The following ABCC6 variants were observed in gnomAD, a reference collection of about 807,000 sequenced individuals.
The protein encoded by ABCC6 is ATP binding cassette subfamily C member 6.
Under a neutral mutation model 169.5 loss-of-function variants are expected in ABCC6, and 126 were observed. That is an observed-to-expected ratio of 0.74 (90% confidence interval 0.64 to 0.86). The LOEUF (loss-of-function observed/expected upper bound fraction) is 0.86, where lower values mean the gene tolerates loss of function less well. ABCC6 is among the 40% of genes least tolerant of loss of function. ABCC6 has a pLI of 0.00. For synonymous variants in ABCC6, 752 were observed against 814.7 expected, an observed-to-expected ratio of 0.92 and a Z score of 1.31; for missense variants, 1,733 against 1,927.2, an observed-to-expected ratio of 0.90 and a Z score of 1.89.
chr16:16,159,492 G>A lies in ABCC6; in HGVS notation c.3725C>T (p.Thr1242Met), dbSNP rs141449320. ...SVERMQDYAW[T>M]PKEAPWRLPT... ...CCTCCCGCCCATCACCTCCTTGGGC[G>A]TCCAGGCATAGTCCTGCATCCGCTC... Residue 1242 changes from threonine (T) to methionine (M), a missense_variant, in exon 26 of 31, where the codon ACG (threonine) becomes ATG (methionine). Around this residue, in one of 5 missense-constraint regions of ABCC6, gnomAD observed 1,601 missense variants for 1,635.5 expected, o/e 0.98. Coordinates refer to ENST00000205557, the MANE Select transcript of ABCC6 (RefSeq NM_001171.6). 56 of 1,613,592 alleles carry A rather than the reference G, an allele frequency of 3.5e-5. No homozygotes were observed. Among genetic ancestry groups the A allele is most frequent in the Middle Eastern group, 1.6e-4 (1 of 6,084 alleles).
At chr16:16,152,333 A>G (rs8058210) in intron 29 of ABCC6, among the ~76,000 whole-genome samples, 49,526 of 151,590 alleles carry the variant, frequency 0.33, 8,693 homozygotes, top group East Asian at 0.51. Flanking sequence ...GTGGGAACTG[A>G]CCCCTGGGGC....
intron 21 of ABCC6, 107 bp downstream of exon 21, chr16:16,173,177 C>A: frequency 6.6e-7 from 1 of 1,507,760 alleles, no homozygotes. Context: ...ATAGTAGGTG[C>A]TCAAGAAAGG....
intron 7 of ABCC6, 41 bp from the exon 8 acceptor site, chr16:16,203,654 A>T (rs1567530335): frequency 6.2e-7 from 1 of 1,610,714 alleles, no homozygotes; most frequent in Non-Finnish European, 8.5e-7. Context: ...CCCATTTTAT[A>T]CTCTCAGCCG....
At position 16,178,878 on chromosome 16, in the gene ABCC6, G is replaced by C. The variant is rs1419792820; in HGVS notation, c.2335C>G (p.Pro779Ala). The change falls in exon 18 of 31, where the codon CCC (proline) becomes GCC (alanine). Residue 779 changes from proline to alanine, a missense_variant. Pro to Ala is a conservative substitution (Grantham distance 27). This residue lies in a region of ABCC6 where 1,601 missense variants were observed against 1,635.5 expected (regional missense o/e 0.98). Transcript: ENST00000205557. The part of the protein sequence containing the change: ...RKAAVYLLDD[P>A]LAALDAHVGQ... The stretch of plus-strand genomic sequence containing the variant: ...ACGTGGGCATCCAGGGCCGCCAGGG[G>C]GTCATCCAGCAGGTACACAGCTGCC... The C allele has an allele frequency of 1.2e-6, 2 of 1,613,906 alleles. No homozygotes were observed. Among genetic ancestry groups the C allele is most frequent in the Admixed American group, 3.3e-5 (2 of 60,020 alleles).
At chr16:16,174,891 G>C (rs894346006) in intron 20 of ABCC6, among the ~76,000 whole-genome samples, 1 of 150,742 alleles carries the variant, frequency 6.6e-6, no homozygotes, top group Non-Finnish European at 1.5e-5. Context: ...CTCCCGAGTA[G>C]CTGGGACTAC....
At chr16:16,157,022 G>C (rs1018069923) in intron 27 of ABCC6, among the ~76,000 whole-genome samples, 1 of 151,812 alleles carries the variant, frequency 6.6e-6, no homozygotes. Flanking sequence ...AGGGGACAAG[G>C]AGAGGACAGG....
At chr16:16,186,757 A>G (rs2047664924) in intron 14 of ABCC6, among the ~76,000 whole-genome samples, 1 of 151,804 alleles carries the variant, frequency 6.6e-6, no homozygotes, top group Non-Finnish European at 1.5e-5. Flanking sequence ...AGGGCACAAT[A>G]AATGGAATGT....
chr16:16,222,810 G>A (rs1203371142), intron 1 of ABCC6, among the ~76,000 whole-genome samples: 4 of 151,996 alleles, frequency 2.6e-5, no homozygotes, highest in East Asian at 1.9e-4. Flanking sequence ...ACAACTCACC[G>A]GCTGTGCAAA....
At chr16:16,197,531 G>C (rs1242667812) in intron 10 of ABCC6, among the ~76,000 whole-genome samples, 1 of 150,712 alleles carries the variant, frequency 6.6e-6, no homozygotes, top group African/African-American at 2.4e-5. Flanking sequence ...GAGAAGAAGG[G>C]AGAAGGGAAG....
intron 8 of ABCC6, 55 bp downstream of exon 8, chr16:16,203,355 G>A (rs1299212381): frequency 6.2e-7 from 1 of 1,611,926 alleles, no homozygotes; most frequent in African/African-American, 1.3e-5. Flanking sequence ...GGCCCTGGAA[G>A]GATGCCACTA....
intron 13 of ABCC6, among the ~76,000 whole-genome samples, chr16:16,188,420 T>C (rs577099201): frequency 2.0e-5 from 3 of 151,910 alleles, no homozygotes; most frequent in African/African-American, 7.2e-5. Flanking sequence ...AAATAAAAAA[T>C]AAAAAACATG....
chr16:16,160,331 TTAAG>T (rs1226228873), intron 25 of ABCC6, among the ~76,000 whole-genome samples: 1 of 152,070 alleles, frequency 6.6e-6, no homozygotes, highest in Non-Finnish European at 1.5e-5. Context: ...GTGGGCAGTA[TTAAG>T]TGAGTTAATA....
In ABCC6 at chr16:16,149,891, T is replaced by A; in HGVS notation, c.*242A>T. ...GCGGGGCTGAGAGTCGCTGTTGACA[T>A]TGGCTGCAGGGTGGACAGGGCGAGA... On this transcript the variant is annotated 3_prime_UTR_variant, in exon 31 of 31. Transcript: ENST00000205557. The A allele has an allele frequency of 1.7e-6, 1 of 595,606 alleles. No individual in the cohort carries two copies. Among genetic ancestry groups the A allele is most frequent in the Non-Finnish European group, 3.0e-6 (1 of 333,456 alleles). 36.9% of individuals were successfully genotyped at this position (595,606 alleles called of 1,614,324 possible).
chr16:16,199,839 G>A lies in ABCC6; in HGVS notation c.1177-1657C>T, dbSNP rs557336155. 6.4e-3 allele frequency among the ~76,000 whole-genome samples: 959 copies of A among 150,606 alleles called. 13 individuals carry two copies. The highest frequency in any genetic ancestry group is 1.0e-2 in the Non-Finnish European group (673 of 67,548). On this transcript the variant is annotated intron_variant, in intron 9 of 30. Coordinates refer to ENST00000205557, the MANE Select transcript of ABCC6 (RefSeq NM_001171.6). ...TCCCAGCACTTTGGGAGGCTGAGGC[G>A]GGTGGATTGCTTGAGGCCGGGAGTT... is the stretch of plus-strand genomic sequence containing the variant.
chr16:16,161,030 A>AG (rs747799128), intron 25 of ABCC6, among the ~76,000 whole-genome samples: 188 of 152,258 alleles, frequency 1.2e-3, no homozygotes, highest in Non-Finnish European at 1.9e-3. Flanking sequence ...GCTTGAACCC[A>AG]GGAGGCAGAG....
rs1190445351 is a variant in ABCC6, at chr16:16,192,824, C to T, written c.1431+6G>A. 6.2e-7 allele frequency: 1 copy of T among 1,613,438 alleles called. No homozygotes were observed. The highest frequency in any genetic ancestry group is 8.5e-7 in the Non-Finnish European group (1 of 1,179,438). On this transcript the variant is annotated splice_donor_region_variant and intron_variant, in intron 11 of 30. Coordinates refer to ENST00000205557, the MANE Select transcript of ABCC6 (RefSeq NM_001171.6). Reference sequence around the variant, plus strand: ...GCCTGGTCCGTCCCTTTCCCAAAAGCCAAACCTGATGGTGGTTCCTTTTCT... The same window carrying T: ...GCCTGGTCCGTCCCTTTCCCAAAAGTCAAACCTGATGGTGGTTCCTTTTCT...
At chr16:16,179,991 G>A (rs1189342803) in intron 17 of ABCC6, among the ~76,000 whole-genome samples, 1 of 152,182 alleles carries the variant, frequency 6.6e-6, no homozygotes, top group Non-Finnish European at 1.5e-5. Flanking sequence ...AGTCCCTTCT[G>A]GGGATGATGG....
chr16:16,196,544 GGCAGGAGT>G (rs2048044807), intron 10 of ABCC6, among the ~76,000 whole-genome samples: 1 of 152,144 alleles, frequency 6.6e-6, no homozygotes, highest in Non-Finnish European at 1.5e-5. Flanking sequence ...GCCCCTCTGG[GGCAGGAGT>G]GCTACTGTTA....
intron 4 of ABCC6, among the ~76,000 whole-genome samples, chr16:16,217,396 C>T (rs1426444892): frequency 6.6e-6 from 1 of 152,232 alleles, no homozygotes; most frequent in Non-Finnish European, 1.5e-5. Context: ...TCTCCCTCAT[C>T]TTTAAAATGG....
Sources: allele counts gnomAD v4.1 joint callset (sites outside exome capture counted in the v4.1 genomes callset), GRCh38; gene constraint gnomAD v4.1.1; regional missense constraint gnomAD v4.1.1; transcripts MANE v1.5; gene names NCBI Gene and HGNC (gene_info 2026-07-23, HGNC 2026-07-21).